Variants in REV3L observed in about 807,000 individuals in gnomAD.
REV3L encodes the protein REV3 like, DNA directed polymerase zeta catalytic subunit, also known as DNA polymerase zeta catalytic subunit.
Under a neutral mutation model 299.4 loss-of-function variants are expected in REV3L, and 69 were observed. The observed-to-expected ratio is 0.23, with a 90% CI of 0.19 to 0.28. The LOEUF (loss-of-function observed/expected upper bound fraction) is 0.28, where lower values mean the gene tolerates loss of function less well. Among genes scored for constraint, REV3L ranks in the 10% least tolerant of loss-of-function variants. The pLI, the probability that REV3L is intolerant of heterozygous loss-of-function variation, is 1.00. For synonymous variants in REV3L, 1,238 were observed against 1,271.4 expected (o/e 0.97, Z 0.56); for missense variants, 3,128 against 3,693.8 (o/e 0.85, Z 3.97).
intron 25 of REV3L, among the ~76,000 whole-genome samples, chr6:111,329,092 G>A (rs1775120157): frequency 6.6e-6 from 1 of 151,722 alleles, no homozygotes; most frequent in Non-Finnish European, 1.5e-5. Context: ...CGCCCAGGCT[G>A]GAGTGCAATG....
At chr6:111,349,160 A>G in intron 20 of REV3L, 58 bp downstream of exon 20, 1 of 893,010 alleles carries the variant, frequency 1.1e-6, no homozygotes, top group Non-Finnish European at 1.8e-6. Flanking sequence ...ATAATGATTA[A>G]ATCATTATAT....
At chr6:111,366,275 T>C (rs1779199733) in intron 14 of REV3L, among the ~76,000 whole-genome samples, 1 of 152,122 alleles carries the variant, frequency 6.6e-6, no homozygotes, top group Non-Finnish European at 1.5e-5. Context: ...CATTTAGCAT[T>C]CAAGTGGAAA....
intron 1 of REV3L, among the ~76,000 whole-genome samples, chr6:111,446,614 T>A (rs954559438): frequency 6.6e-6 from 1 of 152,020 alleles, no homozygotes; most frequent in Non-Finnish European, 1.5e-5. Context: ...AACAGGAGAA[T>A]TGCTTGAACC....
intron 1 of REV3L, among the ~76,000 whole-genome samples, chr6:111,450,497 A>AAAAC (rs1554242417): frequency 2.7e-5 from 4 of 150,632 alleles, no homozygotes; most frequent in Admixed American, 1.3e-4. Flanking sequence ...AAAAAAAAAA[A>AAAAC]AAAAAAAAAC....
At chr6:111,325,683 C>T (rs999328584) in intron 25 of REV3L, among the ~76,000 whole-genome samples, 10 of 152,114 alleles carry the variant, frequency 6.6e-5, no homozygotes, top group South Asian at 2.1e-4. Flanking sequence ...TACGTATATG[C>T]GGTACATATG....
In REV3L at chr6:111,299,289, A is replaced by G. The variant is rs1267758578; in HGVS notation, c.*727T>C. ...TGTCTATACAAAACAAGCAAATGGAATAAAATTTTTTATTTTTAAAGTATT... is the reference window on the plus strand; with the variant it reads ...TGTCTATACAAAACAAGCAAATGGAGTAAAATTTTTTATTTTTAAAGTATT... On this transcript the variant is annotated 3_prime_UTR_variant, in exon 32 of 32. Coordinates refer to ENST00000368802, the MANE Select transcript of REV3L (RefSeq NM_001372078.1). 1 of 152,648 alleles carries G rather than the reference A, an allele frequency of 6.6e-6. No homozygotes were observed. The highest frequency in any genetic ancestry group is 1.5e-5 in the Non-Finnish European group (1 of 68,030). The allele number at this position is 152,648 out of a possible 1,614,324, so 9.5% of individuals were successfully genotyped here.
chr6:111,429,113 A>G (rs1386805562), intron 1 of REV3L, among the ~76,000 whole-genome samples: 1 of 152,212 alleles, frequency 6.6e-6, no homozygotes, highest in African/African-American at 2.4e-5. Flanking sequence ...CCATCTAAGA[A>G]TAAAGTATTG....
At chr6:111,382,013 G>C (rs1469839984) in intron 9 of REV3L, among the ~76,000 whole-genome samples, 1 of 152,054 alleles carries the variant, frequency 6.6e-6, no homozygotes, top group Non-Finnish European at 1.5e-5. Context: ...GCCATAACTG[G>C]GCAGAAATAG....
intron 21 of REV3L, among the ~76,000 whole-genome samples, chr6:111,336,268 G>T (rs931841339): frequency 1.3e-5 from 2 of 151,848 alleles, no homozygotes; most frequent in Admixed American, 6.6e-5. Flanking sequence ...TCCATAAAAA[G>T]AATTTTAATA....
rs1419421750 is a variant in REV3L, at chr6:111,313,707, TTTTG to T, written c.8467-222_8467-219del. On this transcript the variant is annotated intron_variant, in intron 27 of 31. Transcript: ENST00000368802. ...CTCACTCCTTTTCTTGCGCTACCAG[TTTTG>T]TTTATTTACTGAATAAAGTATAAAC... 3.3e-5 allele frequency among the ~76,000 whole-genome samples: 5 copies of T among 152,204 alleles called. 1 individual carries two copies. In the East Asian group the frequency reaches 5.8e-4, roughly 18 times the overall value.
In REV3L at chr6:111,376,287, A is replaced by G. The variant is rs1363699536; in HGVS notation, c.2068T>C (p.Phe690Leu). 1.2e-6 allele frequency: 2 copies of G among 1,613,776 alleles called. No individual in the cohort carries two copies. Among genetic ancestry groups the G allele is most frequent in the Admixed American group, 3.3e-5 (2 of 59,982 alleles). The change falls in exon 13 of 32, where the codon TTT (phenylalanine) becomes CTT (leucine). Residue 690 changes from phenylalanine (F) to leucine (L), a missense_variant. Physicochemically the swap from Phe to Leu is conservative, Grantham distance 22. Around this residue, in one of 9 missense-constraint regions of REV3L, gnomAD observed 2,409 missense variants for 2,611.8 expected, o/e 0.92. Coordinates refer to ENST00000368802, the MANE Select transcript of REV3L (RefSeq NM_001372078.1). The stretch of plus-strand genomic sequence containing the variant: ...TTAGGGTGACGGTGCATATGTATAA[A>G]AGGGGAATCCTTTTCGATTTTTCTA... ...NIRKIEKDSPFIHMHRHPNEN... is the reference protein window; with the variant it reads ...NIRKIEKDSPLIHMHRHPNEN...
chr6:111,464,771 A>C (rs570872864), intron 1 of REV3L, among the ~76,000 whole-genome samples: 5 of 152,230 alleles, frequency 3.3e-5, no homozygotes, highest in Admixed American at 2.6e-4. Flanking sequence ...GGAGGCCTAG[A>C]CAGGTGGACT....
At chr6:111,390,911 G>A (rs1337501771) in intron 5 of REV3L, among the ~76,000 whole-genome samples, 4 of 152,020 alleles carry the variant, frequency 2.6e-5, no homozygotes, top group African/African-American at 4.8e-5. Flanking sequence ...TTAACAGAAT[G>A]AAGAGATAAC....
chr6:111,311,395 GA>G (rs1309551160), intron 28 of REV3L, 136 bp from the exon 29 acceptor site: 1 of 512,708 alleles, frequency 2.0e-6, no homozygotes, highest in African/African-American at 1.9e-5. Context: ...ACAATGATGG[GA>G]TAATAAAATT....
intron 26 of REV3L, among the ~76,000 whole-genome samples, chr6:111,318,617 G>A (rs1258819520): frequency 2.6e-5 from 4 of 152,048 alleles, no homozygotes; most frequent in Admixed American, 2.0e-4. Flanking sequence ...TGTTGCCCAG[G>A]CTGGAGTGCA....
chr6:111,483,396 G>GGCGGCCGGCGGCCGGCA (rs1425165183), upstream of REV3L: 33 of 446,886 alleles, frequency 7.4e-5, no homozygotes, highest in Non-Finnish European at 1.1e-4. Context: ...CGGCGAGGGA[G>GGCGGCCGGCGGCCGGCA]GCGGCCGGCG....
rs192146762 is a variant in REV3L at position 111,387,385 on chromosome 6, A to G, written c.1096+380T>C. On this transcript the variant is annotated intron_variant, in intron 9 of 31. Coordinates refer to ENST00000368802, the MANE Select transcript of REV3L (RefSeq NM_001372078.1). Reference sequence around the variant, plus strand: ...TGTAAATCATTGAATTATACGCTTAAAATGACTGAATTTTATGTTATATAA... The same window carrying G: ...TGTAAATCATTGAATTATACGCTTAGAATGACTGAATTTTATGTTATATAA... 1.3e-3 allele frequency among the ~76,000 whole-genome samples: 197 copies of G among 152,324 alleles called. 1 individual carries two copies. The highest frequency in any genetic ancestry group is 4.5e-3 in the African/African-American group (189 of 41,570).
chr6:111,348,072 G>T (rs1234063134), intron 20 of REV3L, among the ~76,000 whole-genome samples: 1 of 152,130 alleles, frequency 6.6e-6, no homozygotes, highest in Non-Finnish European at 1.5e-5. Flanking sequence ...CAAGTGCTGG[G>T]ATTACAGGTA....
intron 1 of REV3L, among the ~76,000 whole-genome samples, chr6:111,425,052 A>G (rs1029643568): frequency 6.6e-6 from 1 of 152,192 alleles, no homozygotes; most frequent in Non-Finnish European, 1.5e-5. Context: ...GTTGATCTTG[A>G]GGCTCTGCCC....
Sources: allele counts gnomAD v4.1 joint callset (sites outside exome capture counted in the v4.1 genomes callset), GRCh38; gene constraint gnomAD v4.1.1; regional missense constraint gnomAD v4.1.1; transcripts MANE v1.5; gene names NCBI Gene and HGNC (gene_info 2026-07-23, HGNC 2026-07-21).